FBXW7: variants seen among roughly 807,000 people sequenced by gnomAD.
The protein encoded by FBXW7 is F-box and WD repeat domain containing 7, also known as F-box/WD repeat-containing protein 7.
In FBXW7, 11 loss-of-function variants were observed where a neutral mutation model predicts 86.3. That is an observed-to-expected ratio of 0.13 (90% CI 0.08 to 0.21). FBXW7 has a LOEUF of 0.21. Among genes scored for constraint, FBXW7 ranks in the 10% least tolerant of loss-of-function variants. FBXW7 has a pLI of 1.00. For synonymous variants in FBXW7, 313 were observed against 297.9 expected (o/e 1.05, Z -0.52); for missense variants, 488 against 847.4 (o/e 0.58, Z 5.27).
intron 2 of FBXW7, among the ~76,000 whole-genome samples, chr4:152,517,672 C>G (rs1164499108): frequency 2.0e-5 from 3 of 152,190 alleles, no homozygotes; most frequent in African/African-American, 7.2e-5. Flanking sequence ...ACACTTACCT[C>G]ATAGAGCTAT....
At chr4:152,516,144 A>G (rs1034177218) in intron 2 of FBXW7, among the ~76,000 whole-genome samples, 5 of 152,254 alleles carry the variant, frequency 3.3e-5, no homozygotes, top group Non-Finnish European at 7.3e-5. Context: ...CAGCTAAACC[A>G]TACCCAAATT....
intron 2 of FBXW7, among the ~76,000 whole-genome samples, chr4:152,459,590 G>C (rs1484260439): frequency 1.3e-5 from 2 of 152,154 alleles, no homozygotes; most frequent in Non-Finnish European, 2.9e-5. Context: ...CCAAGGGGTA[G>C]GGCAGGAAGT....
chr4:152,508,569 G>A (rs1161620879), intron 2 of FBXW7, among the ~76,000 whole-genome samples: 5 of 151,100 alleles, frequency 3.3e-5, no homozygotes, highest in African/African-American at 1.2e-4. Context: ...TGCACCTGCA[G>A]TCCCAGCTAC....
At chr4:152,356,418 T>C (rs895280909) in intron 4 of FBXW7, among the ~76,000 whole-genome samples, 4 of 45,402 alleles carry the variant, frequency 8.8e-5, no homozygotes, top group East Asian at 7.2e-4. Flanking sequence ...AGTTCTTTTC[T>C]TTACCTTGCT....
intron 2 of FBXW7, among the ~76,000 whole-genome samples, chr4:152,459,650 G>A (rs1299051441): frequency 1.3e-5 from 2 of 152,030 alleles, no homozygotes; most frequent in African/African-American, 2.4e-5. Context: ...ACCCCCCAGT[G>A]GATGCTTGAA....
intron 4 of FBXW7, among the ~76,000 whole-genome samples, chr4:152,354,382 T>C (rs887998409): frequency 6.6e-6 from 1 of 152,032 alleles, no homozygotes; most frequent in Admixed American, 6.6e-5. Context: ...CCATAAACTC[T>C]TTTGTCAGAA....
intron 4 of FBXW7, among the ~76,000 whole-genome samples, chr4:152,358,932 A>C (rs926475500): frequency 4.6e-5 from 7 of 152,228 alleles, no homozygotes; most frequent in African/African-American, 1.4e-4. Context: ...CAAGATCAAT[A>C]ATTCTTACTG....
At chr4:152,443,414 C>A (rs1741084773) in intron 2 of FBXW7, among the ~76,000 whole-genome samples, 1 of 151,894 alleles carries the variant, frequency 6.6e-6, no homozygotes, top group African/African-American at 2.4e-5. Context: ...ATTTTCCTTT[C>A]AAAAAAATAC....
chr4:152,465,766 C>A (rs1018448622), intron 2 of FBXW7, among the ~76,000 whole-genome samples: 3 of 151,320 alleles, frequency 2.0e-5, no homozygotes, highest in Non-Finnish European at 2.9e-5. Context: ...ATCGCTTGAA[C>A]CCAGGAGGCA....
chr4:152,529,949 G>C (rs1451063396), intron 2 of FBXW7, among the ~76,000 whole-genome samples: 3 of 151,398 alleles, frequency 2.0e-5, no homozygotes, highest in African/African-American at 7.3e-5. Context: ...CCAGCCACTC[G>C]AGAGGCTGAG....
intron 2 of FBXW7, among the ~76,000 whole-genome samples, chr4:152,492,008 C>A (rs1745901616): frequency 1.3e-5 from 2 of 152,186 alleles, no homozygotes; most frequent in African/African-American, 4.8e-5. Context: ...ATTTTCATCA[C>A]TTCAAGAAGG....
chr4:152,403,202 G>A (rs1263365032), intron 4 of FBXW7, among the ~76,000 whole-genome samples: 3 of 152,212 alleles, frequency 2.0e-5, no homozygotes, highest in Admixed American at 6.5e-5. Flanking sequence ...TTAAGGCTGG[G>A]CACGATGGCT....
At chr4:152,444,552 T>C (rs1741201240) in intron 2 of FBXW7, among the ~76,000 whole-genome samples, 1 of 152,112 alleles carries the variant, frequency 6.6e-6, no homozygotes, top group African/African-American at 2.4e-5. Context: ...AAAGAACCAA[T>C]TTACATTTCA....
At position 152,426,495 on chromosome 4, in the gene FBXW7, G is replaced by A. The variant is rs1233658812; in HGVS notation, c.-119-13966C>T. On this transcript the variant is annotated intron_variant, in intron 2 of 13. Coordinates refer to ENST00000281708, the MANE Select transcript of FBXW7 (RefSeq NM_001349798.2). ...CTCCAGAGTAGCTGGGACTACAGGC[G>A]CACGTCACCATGCCCAGCTAGTTTT... is the stretch of plus-strand genomic sequence containing the variant. Among the ~76,000 whole-genome samples, 12 of 152,006 alleles carry A rather than the reference G, an allele frequency of 7.9e-5. 1 individual carries two copies. Among genetic ancestry groups the A allele is most frequent in the African/African-American group, 2.2e-4 (9 of 41,366 alleles).
At chr4:152,518,395 A>G (rs1203087969) in intron 2 of FBXW7, among the ~76,000 whole-genome samples, 2 of 150,988 alleles carry the variant, frequency 1.3e-5, no homozygotes, top group Admixed American at 6.6e-5. Flanking sequence ...TACTACGCTC[A>G]AAACCATCCT....
chr4:152,445,653 A>G (rs1741304739), intron 2 of FBXW7, among the ~76,000 whole-genome samples: 2 of 152,166 alleles, frequency 1.3e-5, no homozygotes, highest in Admixed American at 1.3e-4. Context: ...CACACCTGTA[A>G]TCCCAACACC....
intron 2 of FBXW7, among the ~76,000 whole-genome samples, chr4:152,455,214 A>G (rs927844418): frequency 2.6e-5 from 4 of 152,366 alleles, no homozygotes; most frequent in African/African-American, 9.6e-5. Context: ...AGTACAGAAC[A>G]GAACTGCAAA....
chr4:152,518,222 C>G (rs899884819), intron 2 of FBXW7, among the ~76,000 whole-genome samples: 1 of 151,854 alleles, frequency 6.6e-6, no homozygotes, highest in Non-Finnish European at 1.5e-5. Flanking sequence ...CTCCTGGCCT[C>G]AAGTGATCCA....
At chr4:152,523,808 T>C (rs1272142068) in intron 2 of FBXW7, among the ~76,000 whole-genome samples, 1 of 152,200 alleles carries the variant, frequency 6.6e-6, no homozygotes, top group African/African-American at 2.4e-5. Context: ...GAGTGACACA[T>C]CATCTATTTT....
Sources: gnomAD v4.1 joint callset for allele counts (sites outside exome capture counted in the v4.1 genomes callset) on GRCh38, gnomAD v4.1.1 for gene constraint, MANE v1.5 for transcripts, NCBI Gene and HGNC (gene_info 2026-07-23, HGNC 2026-07-21) for gene names.